Variants in RBFOX3 observed in about 807,000 individuals in gnomAD.
RBFOX3 encodes RNA binding protein fox-1 homolog 3.
A neutral mutation model predicts 48.7 loss-of-function variants in RBFOX3; 17 were observed. That is an observed-to-expected ratio of 0.35 (90% CI 0.24 to 0.52). The LOEUF (loss-of-function observed/expected upper bound fraction) is 0.52. Among genes scored for constraint, RBFOX3 ranks in the 20% least tolerant of loss-of-function variants. RBFOX3 has a pLI of 0.94. For missense variants in RBFOX3, 382 were observed against 497.5 expected (o/e 0.77, Z 2.21); for synonymous variants, 212 against 209.5 (o/e 1.01, Z -0.10).
intron 1 of RBFOX3, among the ~76,000 whole-genome samples, chr17:79,530,967 GC>G (rs2087667232): frequency 1.3e-5 from 2 of 152,234 alleles, no homozygotes; most frequent in Non-Finnish European, 2.9e-5. Context: ...CAGGAAGGCC[GC>G]CGTGGATGGA....
chr17:79,513,317 A>C (rs949573079), intron 1 of RBFOX3, among the ~76,000 whole-genome samples: 2 of 152,152 alleles, frequency 1.3e-5, no homozygotes, highest in Admixed American at 6.5e-5. Flanking sequence ...CAGGTGACAC[A>C]CACCCAGATA....
chr17:79,594,088 C>T (rs1340713814), intron 1 of RBFOX3, among the ~76,000 whole-genome samples: 1 of 152,100 alleles, frequency 6.6e-6, no homozygotes, highest in Non-Finnish European at 1.5e-5. Context: ...CGCGACAGTC[C>T]CTCCTGCATT....
chr17:79,370,859 T>C (rs1432711261), intron 2 of RBFOX3, among the ~76,000 whole-genome samples: 2 of 152,222 alleles, frequency 1.3e-5, no homozygotes, highest in African/African-American at 4.8e-5. Context: ...TGCACACACA[T>C]GCTTCTCTGG....
intron 2 of RBFOX3, among the ~76,000 whole-genome samples, chr17:79,376,837 T>A (rs1195806137): frequency 1.3e-5 from 2 of 152,068 alleles, no homozygotes; most frequent in African/African-American, 4.8e-5. Flanking sequence ...ACAAGGACAA[T>A]CTGGTTTCTC....
At chr17:79,468,605 T>G (rs1267466857) in intron 2 of RBFOX3, among the ~76,000 whole-genome samples, 40 of 149,768 alleles carry the variant, frequency 2.7e-4, no homozygotes, top group Admixed American at 1.5e-3. Context: ...GATGGATGGA[T>G]AGATAGATAG....
the RBFOX3 span, among the ~76,000 whole-genome samples, chr17:79,653,219 CA>C: frequency 6.6e-6 from 1 of 152,144 alleles, no homozygotes; most frequent in Non-Finnish European, 1.5e-5. Context: ...CACGTCGGCA[CA>C]GGGTTGAGCA....
chr17:79,162,625 G>A (rs193270231), intron 4 of RBFOX3, among the ~76,000 whole-genome samples: 10 of 152,336 alleles, frequency 6.6e-5, no homozygotes, highest in African/African-American at 1.9e-4. Flanking sequence ...TAACAATCGC[G>A]CAGTTAAATT....
At chr17:79,124,016 C>T (rs1449946153) in intron 4 of RBFOX3, among the ~76,000 whole-genome samples, 1 of 152,262 alleles carries the variant, frequency 6.6e-6, no homozygotes, top group East Asian at 1.9e-4. Context: ...ACACACTCTA[C>T]TGCACACACC....
chr17:79,301,851 C>T (rs1258296223), intron 3 of RBFOX3, among the ~76,000 whole-genome samples: 2 of 152,202 alleles, frequency 1.3e-5, no homozygotes, highest in Non-Finnish European at 2.9e-5. Context: ...ATAAGCCAGA[C>T]TCAAAGGGAC....
chr17:79,600,217 CAT>C (rs1373352907), intron 1 of RBFOX3: 4 of 152,292 alleles, frequency 2.6e-5, no homozygotes, highest in African/African-American at 4.8e-5. Flanking sequence ...GTACGACACA[CAT>C]ATGCTCATGC....
At chr17:79,420,997 T>C (rs1248853322) in intron 2 of RBFOX3, among the ~76,000 whole-genome samples, 1 of 152,030 alleles carries the variant, frequency 6.6e-6, no homozygotes, top group East Asian at 1.9e-4. Context: ...GCCCAGGGGC[T>C]TCCCTGCTGA....
chr17:79,458,899 C>T (rs2074989505), intron 2 of RBFOX3, among the ~76,000 whole-genome samples: 1 of 152,240 alleles, frequency 6.6e-6, no homozygotes, highest in African/African-American at 2.4e-5. Context: ...ACTGTTCCCT[C>T]TCTCTGTCCC....
chr17:79,581,992 A>G lies in RBFOX3; in HGVS notation c.-320+28834T>C, dbSNP rs1031176141. Among the ~76,000 whole-genome samples, 7 of 150,718 alleles carry G rather than the reference A, an allele frequency of 4.6e-5. No homozygotes were observed. In the South Asian group the frequency reaches 1.5e-3, roughly 32 times the overall value. The stretch of plus-strand genomic sequence containing the variant: ...CCTGTGCGTGGCTGTGTATGCAAGC[A>G]CGTGCCTGCCCGTGTATGTGCCTGT... On this transcript the variant is annotated intron_variant, in intron 1 of 14. Transcript: ENST00000693108.
At chr17:79,170,114 G>A (rs1438116273) in intron 4 of RBFOX3, among the ~76,000 whole-genome samples, 2 of 138,658 alleles carry the variant, frequency 1.4e-5, no homozygotes, top group African/African-American at 5.9e-5. Flanking sequence ...GAAAGGAGGA[G>A]GAAGGAAGGA....
intron 2 of RBFOX3, among the ~76,000 whole-genome samples, chr17:79,388,546 A>C (rs1385923970): frequency 2.0e-5 from 3 of 152,204 alleles, no homozygotes; most frequent in Non-Finnish European, 2.9e-5. Flanking sequence ...ATTTTTAATA[A>C]ATCTCTAATC....
chr17:79,323,722 G>A (rs2078891875), intron 2 of RBFOX3, among the ~76,000 whole-genome samples: 1 of 152,264 alleles, frequency 6.6e-6, no homozygotes, highest in African/African-American at 2.4e-5. Flanking sequence ...GCCTTGGCCA[G>A]AGATGGCTGC....
intron 2 of RBFOX3, among the ~76,000 whole-genome samples, chr17:79,389,916 A>G (rs1049620405): frequency 6.6e-6 from 1 of 152,226 alleles, no homozygotes; most frequent in Non-Finnish European, 1.5e-5. Flanking sequence ...TTCAGCTGAG[A>G]AGGAGGCCTT....
intron 2 of RBFOX3, among the ~76,000 whole-genome samples, chr17:79,351,259 T>G (rs1333955116): frequency 6.6e-6 from 1 of 152,224 alleles, no homozygotes; most frequent in East Asian, 1.9e-4. Flanking sequence ...TTCAATTCTC[T>G]GGGGGCATGT....
intron 12 of RBFOX3, among the ~76,000 whole-genome samples, chr17:79,096,198 C>A (rs933345959): frequency 2.6e-5 from 4 of 152,164 alleles, no homozygotes; most frequent in Admixed American, 1.3e-4. Context: ...GCACATGTGG[C>A]CCCATGAAGG....
Sources: gnomAD v4.1 joint callset for allele counts (sites outside exome capture counted in the v4.1 genomes callset) on GRCh38, gnomAD v4.1.1 for gene constraint, MANE v1.5 for transcripts, NCBI Gene and HGNC (gene_info 2026-07-23, HGNC 2026-07-21) for gene names.